Variants in FAM3B observed in about 807,000 individuals in gnomAD.
FAM3B encodes protein FAM3B.
A neutral mutation model predicts 28.4 loss-of-function variants in FAM3B; 29 were observed. That is an observed-to-expected ratio of 1.02 (90% CI 0.76 to 1.39). The LOEUF is 1.39. Ranked by LOEUF, FAM3B falls within the 40% of genes most tolerant of loss-of-function variation. FAM3B has a pLI of 0.00. For missense variants in FAM3B, 266 were observed against 293.9 expected (o/e 0.91, Z 0.69); for synonymous variants, 91 against 103.0 (o/e 0.88, Z 0.71).
intron 7 of FAM3B, among the ~76,000 whole-genome samples, chr21:41,356,603 G>A (rs1192595534): frequency 1.3e-5 from 2 of 152,108 alleles, no homozygotes; most frequent in East Asian, 3.9e-4. Context: ...TGTGGCTAGG[G>A]GCTACTCCAC....
At chr21:41,317,092 G>A (rs1260256021) in intron 1 of FAM3B, among the ~76,000 whole-genome samples, 194 bp downstream of exon 1, 1 of 152,240 alleles carries the variant, frequency 6.6e-6, no homozygotes, top group African/African-American at 2.4e-5. Flanking sequence ...AACAGCGGGG[G>A]TTTCCAGCAG....
intron 4 of FAM3B, among the ~76,000 whole-genome samples, chr21:41,344,936 A>C (rs1234003000): frequency 6.6e-6 from 1 of 152,184 alleles, no homozygotes; most frequent in Non-Finnish European, 1.5e-5. Context: ...AGCCACTGCA[A>C]CCTCGTGGGA....
At chr21:41,345,089 A>T (rs1421004816) in intron 4 of FAM3B, among the ~76,000 whole-genome samples, 1 of 152,214 alleles carries the variant, frequency 6.6e-6, no homozygotes, top group East Asian at 1.9e-4. Context: ...AGGGCTGTGG[A>T]AGTGAAGATA....
chr21:41,304,477 C>T (rs1230558714), intron 1 of FAM3B, among the ~76,000 whole-genome samples: 3 of 152,180 alleles, frequency 2.0e-5, no homozygotes, highest in East Asian at 1.9e-4. Flanking sequence ...TGCGGCTGCG[C>T]GTGCAGTCGC....
upstream of FAM3B, among the ~76,000 whole-genome samples, chr21:41,313,197 C>T (rs2088725659): frequency 6.6e-6 from 1 of 152,112 alleles, no homozygotes; most frequent in African/African-American, 2.4e-5. Context: ...TTTGTTTTTT[C>T]TTTTTTAGAT....
At position 41,345,715 on chromosome 21, in the gene FAM3B, TG is replaced by T; in HGVS notation, c.377del (p.Cys126PhefsTer13). The T allele has an allele frequency of 1.3e-6, 2 of 1,545,324 alleles. No homozygotes were observed. Among genetic ancestry groups the T allele is most frequent in the South Asian group, 2.5e-5 (2 of 80,926 alleles). On this transcript the variant is annotated frameshift_variant, in exon 5 of 8. Transcript: ENST00000357985. LOFTEE classifies it high-confidence loss of function. Reference protein sequence around the residue: ...YVTGNVTATRCFDMYEGDNSG... With the variant: ...YVTGNVTATRXFDMYEGDNSG... ...AACTGGGAATGTGACAGCAACACGATGTTTTGATATGTATGAAGGTGGTAAG... is the reference window on the plus strand; with the variant it reads ...AACTGGGAATGTGACAGCAACACGATTTTTGATATGTATGAAGGTGGTAAG...
chr21:41,323,871 G>A (rs1324336818), intron 2 of FAM3B, among the ~76,000 whole-genome samples: 1 of 152,188 alleles, frequency 6.6e-6, no homozygotes, highest in Non-Finnish European at 1.5e-5. Flanking sequence ...AGTCTACCCA[G>A]ATTACTGTAA....
chr21:41,327,881 C>T (rs1235713053), intron 2 of FAM3B, among the ~76,000 whole-genome samples: 1 of 152,230 alleles, frequency 6.6e-6, no homozygotes, highest in African/African-American at 2.4e-5. Context: ...GTGGATGTGG[C>T]ATGCCATCCA....
At chr21:41,310,251 G>A (rs1027295392) in intron 1 of FAM3B, among the ~76,000 whole-genome samples, 61 of 150,664 alleles carry the variant, frequency 4.0e-4, no homozygotes, top group African/African-American at 1.4e-3. Context: ...CCCCGGCCCC[G>A]CATCACCAGT....
At chr21:41,353,178 A>G (rs1235711137) in intron 7 of FAM3B, among the ~76,000 whole-genome samples, 2 of 152,246 alleles carry the variant, frequency 1.3e-5, no homozygotes, top group Non-Finnish European at 2.9e-5. Flanking sequence ...TTAAAAAAAG[A>G]TATTCCATGT....
chr21:41,330,845 C>T (rs2088900440), intron 2 of FAM3B, among the ~76,000 whole-genome samples: 1 of 152,180 alleles, frequency 6.6e-6, no homozygotes, highest in Admixed American at 6.5e-5. Context: ...ATTCATTCAT[C>T]GATGGGCACA....
chr21:41,355,203 A>T (rs2089154981), intron 7 of FAM3B, among the ~76,000 whole-genome samples: 1 of 152,180 alleles, frequency 6.6e-6, no homozygotes, highest in African/African-American at 2.4e-5. Flanking sequence ...AGAAATTAGA[A>T]CCCTCATGCA....
chr21:41,338,149 T>A lies in FAM3B; in HGVS notation c.164-229T>A, dbSNP rs1225744130. 3.3e-5 allele frequency among the ~76,000 whole-genome samples: 5 copies of A among 152,064 alleles called. No homozygotes were observed. The South Asian group carries it at 8.3e-4, about 25-fold the overall frequency. Reference sequence around the variant, plus strand: ...TTATGAAATTGTTACGCCTACTCAGTACCCCTCTCCTTCTTTGCTTATTTG... The same window carrying A: ...TTATGAAATTGTTACGCCTACTCAGAACCCCTCTCCTTCTTTGCTTATTTG... On this transcript the variant is annotated intron_variant, in intron 2 of 7. Transcript: ENST00000357985.
At chr21:41,308,489 G>A (rs975591775) in intron 1 of FAM3B, among the ~76,000 whole-genome samples, 1 of 151,898 alleles carries the variant, frequency 6.6e-6, no homozygotes, top group African/African-American at 2.4e-5. Flanking sequence ...CAAAGGCAAC[G>A]AGTTTGGGTG....
At chr21:41,319,593 C>CCCA (rs2088782738) in intron 1 of FAM3B, 5 of 152,348 alleles carry the variant, frequency 3.3e-5, no homozygotes, top group African/African-American at 4.8e-5. Context: ...TTAGTGGAAG[C>CCCA]CCTGGGCTCC....
intron 2 of FAM3B, among the ~76,000 whole-genome samples, chr21:41,331,723 T>C (rs1340151858): frequency 1.3e-5 from 2 of 152,244 alleles, no homozygotes; most frequent in Non-Finnish European, 1.5e-5. Flanking sequence ...GTTGATGTTA[T>C]GAAGTTAACT....
At chr21:41,345,534 G>A (rs927291123) in intron 4 of FAM3B, 152 bp from the exon 5 acceptor site, 25 of 542,414 alleles carry the variant, frequency 4.6e-5, no homozygotes, top group Middle Eastern at 3.9e-4. Context: ...TCCTCAAGGG[G>A]CCCGCCCTGT....
rs1013032155 is a variant in FAM3B, at chr21:41,357,053, A to C, written c.619-55A>C. 29 of 1,368,740 alleles carry C rather than the reference A, an allele frequency of 2.1e-5. No homozygotes were observed. In the African/African-American group the frequency reaches 3.8e-4, roughly 18 times the overall value. The allele number at this position is 1,368,740 out of a possible 1,614,324, so 84.8% of individuals were successfully genotyped here. A position where few individuals can be genotyped will look rare whatever the true frequency, so the allele number is the denominator to read the frequency against. ...TGTCGGCTCACAACTGATACTGATT[A>C]AATACTTGTTTATTAGATTAATGAA... On this transcript the variant is annotated intron_variant, in intron 7 of 7. Transcript: ENST00000357985.
At chr21:41,347,217 C>A in intron 6 of FAM3B, 117 bp downstream of exon 6, 1 of 812,020 alleles carries the variant, frequency 1.2e-6, no homozygotes, top group Non-Finnish European at 2.2e-6. Context: ...GAGCAAAGTA[C>A]TTCTCTAAGG....
Sources: allele counts gnomAD v4.1 joint callset (sites outside exome capture counted in the v4.1 genomes callset), GRCh38; gene constraint gnomAD v4.1.1; transcripts MANE v1.5; gene names NCBI Gene and HGNC (gene_info 2026-07-23, HGNC 2026-07-21).